MAGI2: variants seen among roughly 807,000 people sequenced by gnomAD.
The protein encoded by MAGI2 is membrane associated guanylate kinase, WW and PDZ domain containing 2, also known as membrane-associated guanylate kinase, WW and PDZ domain-containing protein 2.
MAGI2 carries 35 observed loss-of-function variants against 133.3 expected under a neutral mutation model. The ratio of observed to expected loss-of-function variants is 0.26; its 90% CI spans 0.20 to 0.35. The LOEUF (loss-of-function observed/expected upper bound fraction) is 0.35. MAGI2 is among the 10% of genes least tolerant of loss of function. The pLI is 1.00. For missense variants in MAGI2, 1,636 were observed against 1,863.4 expected (o/e 0.88, Z 2.25); for synonymous variants, 729 against 710.6 (o/e 1.03, Z -0.41).
At chr7:79,452,918 G>A in intron 1 of MAGI2, 102 bp downstream of exon 1, 5 of 1,291,600 alleles carry the variant, frequency 3.9e-6, no homozygotes, top group Non-Finnish European at 5.2e-6. Flanking sequence ...CCCCATCATC[G>A]CGCAACACAC....
intron 1 of MAGI2, among the ~76,000 whole-genome samples, chr7:79,114,555 G>C (rs1052739675): frequency 2.0e-5 from 3 of 152,154 alleles, no homozygotes; most frequent in Non-Finnish European, 4.4e-5. Context: ...AGAACAGTTA[G>C]CTGCCATAGC....
intron 2 of MAGI2, among the ~76,000 whole-genome samples, chr7:78,757,787 T>C (rs140539285): frequency 1.3e-5 from 2 of 152,292 alleles, no homozygotes; most frequent in East Asian, 1.9e-4. Flanking sequence ...TGGAGTTTAG[T>C]ACAGAAAGTG....
At chr7:78,306,813 GAAT>G (rs1427586123) in intron 9 of MAGI2, among the ~76,000 whole-genome samples, 1 of 152,122 alleles carries the variant, frequency 6.6e-6, no homozygotes, top group Non-Finnish European at 1.5e-5. Flanking sequence ...ATGGTTTTAA[GAAT>G]AATGTTTATG....
chr7:79,285,439 G>A (rs1835929161), intron 1 of MAGI2, among the ~76,000 whole-genome samples: 1 of 152,000 alleles, frequency 6.6e-6, no homozygotes, highest in African/African-American at 2.4e-5. Flanking sequence ...CATCCAGTGT[G>A]CCTGAGAAAA....
intron 1 of MAGI2, among the ~76,000 whole-genome samples, chr7:79,266,439 A>C (rs1169215836): frequency 6.6e-6 from 1 of 152,062 alleles, no homozygotes; most frequent in East Asian, 1.9e-4. Flanking sequence ...GATTACCCAC[A>C]GAAGATTATC....
chr7:78,972,739 AAATAGTGGTATTGT>A (rs1803893519), intron 2 of MAGI2, among the ~76,000 whole-genome samples: 1 of 151,940 alleles, frequency 6.6e-6, no homozygotes. Flanking sequence ...TGCTTTTAGC[AAATAGTGGTATTGT>A]ATAACCATAG....
chr7:78,857,256 T>C (rs573553412), intron 2 of MAGI2, among the ~76,000 whole-genome samples: 3,714 of 151,650 alleles, frequency 0.024, 64 homozygotes, highest in Middle Eastern at 0.048. Flanking sequence ...CTTTCTCCTA[T>C]CTGATTGCCC....
At chr7:78,694,136 T>A (rs555145777) in intron 2 of MAGI2, among the ~76,000 whole-genome samples, 1 of 152,188 alleles carries the variant, frequency 6.6e-6, no homozygotes. Context: ...AACCATTTTG[T>A]AGGGTTGTCA....
intron 1 of MAGI2, among the ~76,000 whole-genome samples, chr7:79,188,663 G>C (rs954270878): frequency 6.6e-6 from 1 of 151,700 alleles, no homozygotes; most frequent in African/African-American, 2.4e-5. Context: ...CACTTTCAAA[G>C]CTAAAAAGCG....
intron 2 of MAGI2, among the ~76,000 whole-genome samples, chr7:78,740,261 C>A (rs2151250631): frequency 6.6e-6 from 1 of 151,884 alleles, no homozygotes; most frequent in Non-Finnish European, 1.5e-5. Flanking sequence ...TCCTTGTTAT[C>A]ACCTAACCTC....
At chr7:78,795,279 A>G (rs1048171756) in intron 2 of MAGI2, among the ~76,000 whole-genome samples, 1 of 151,880 alleles carries the variant, frequency 6.6e-6, no homozygotes, top group African/African-American at 2.4e-5. Flanking sequence ...ATACAATGTA[A>G]CAATCTTATA....
rs553972752 is a variant in MAGI2, at chr7:78,519,860, C to T, written c.754+1570G>A. On this transcript the variant is annotated intron_variant, in intron 4 of 21. Coordinates refer to ENST00000354212, the MANE Select transcript of MAGI2 (RefSeq NM_012301.4). ...TTTGCAAATGTTATATGACCCCAGC[C>T]TCTGCTTCTTTTGTGGTTATTGCTT... Among the ~76,000 whole-genome samples the T allele has an allele frequency of 6.3e-4, 96 of 152,330 alleles. 1 individual carries two copies. Among genetic ancestry groups the T allele is most frequent in the African/African-American group, 2.2e-3 (90 of 41,574 alleles).
At chr7:78,096,000 T>A (rs1257893910) in intron 20 of MAGI2, among the ~76,000 whole-genome samples, 1 of 152,270 alleles carries the variant, frequency 6.6e-6, no homozygotes, top group East Asian at 1.9e-4. Context: ...GACTTCATTT[T>A]CATTTCTTCT....
At chr7:78,304,790 T>C (rs1273253000) in intron 9 of MAGI2, among the ~76,000 whole-genome samples, 2 of 152,164 alleles carry the variant, frequency 1.3e-5, no homozygotes, top group Non-Finnish European at 2.9e-5. Context: ...GCTTCCCTGA[T>C]AGGAGGCTAT....
chr7:78,757,570 T>G (rs971787244), intron 2 of MAGI2, among the ~76,000 whole-genome samples: 1 of 152,196 alleles, frequency 6.6e-6, no homozygotes, highest in Non-Finnish European at 1.5e-5. Context: ...GAACTCTCAA[T>G]GTCACTAAAG....
chr7:78,510,652 T>C (rs1795485284), intron 4 of MAGI2, among the ~76,000 whole-genome samples: 1 of 152,206 alleles, frequency 6.6e-6, no homozygotes, highest in African/African-American at 2.4e-5. Flanking sequence ...TCTTCCTCAA[T>C]AGAGACATGT....
intron 2 of MAGI2, among the ~76,000 whole-genome samples, chr7:78,819,511 A>AT (rs1443025554): frequency 6.6e-6 from 1 of 152,024 alleles, no homozygotes; most frequent in Non-Finnish European, 1.5e-5. Context: ...GGATTTATGC[A>AT]TTTTTGTTAG....
At chr7:78,590,923 G>T (rs1308643176) in intron 3 of MAGI2, among the ~76,000 whole-genome samples, 4 of 152,076 alleles carry the variant, frequency 2.6e-5, no homozygotes, top group African/African-American at 7.2e-5. Context: ...TGAGAAAAAA[G>T]GTAAAGATGA....
At chr7:78,916,751 A>G (rs1300836221) in intron 2 of MAGI2, among the ~76,000 whole-genome samples, 1 of 152,108 alleles carries the variant, frequency 6.6e-6, no homozygotes, top group African/African-American at 2.4e-5. Flanking sequence ...CCTGTAAAAA[A>G]AAGAAGTGAA....
Sources: gnomAD v4.1 joint callset for allele counts (sites outside exome capture counted in the v4.1 genomes callset) on GRCh38, gnomAD v4.1.1 for gene constraint, MANE v1.5 for transcripts, NCBI Gene and HGNC (gene_info 2026-07-23, HGNC 2026-07-21) for gene names.